JPH3: variants seen among roughly 807,000 people sequenced by gnomAD.
JPH3 encodes the protein junctophilin-3.
Under a neutral mutation model 59.6 loss-of-function variants are expected in JPH3, and 11 were observed. The observed-to-expected ratio is 0.18, with a 90% CI of 0.12 to 0.31. JPH3 has a LOEUF of 0.31. JPH3 is among the 10% of genes least tolerant of loss of function. JPH3 has a pLI of 1.00. For synonymous variants in JPH3, 673 were observed against 483.6 expected, an observed-to-expected ratio of 1.39 and a Z score of -5.14; for missense variants, 1,202 against 1,105.7, an observed-to-expected ratio of 1.09 and a Z score of -1.24.
chr16:87,670,442 A>G (rs868640707), intron 2 of JPH3, among the ~76,000 whole-genome samples: 2 of 152,160 alleles, frequency 1.3e-5, no homozygotes, highest in African/African-American at 4.8e-5. Flanking sequence ...TATTCTATCA[A>G]TGGCACTGCA....
intron 4 of JPH3, among the ~76,000 whole-genome samples, chr16:87,691,329 G>A (rs532611573): frequency 1.2e-3 from 188 of 152,286 alleles, no homozygotes; most frequent in African/African-American, 4.4e-3. Context: ...GCTGTGGGAC[G>A]GTGGCTACAT....
chr16:87,691,955 C>G (rs1158466574), intron 4 of JPH3, among the ~76,000 whole-genome samples: 1 of 152,054 alleles, frequency 6.6e-6, no homozygotes, highest in Non-Finnish European at 1.5e-5. Flanking sequence ...CTTTTGGGTG[C>G]TTTTAAATGA....
At chr16:87,633,635 G>GT (rs2031636807) in intron 1 of JPH3, among the ~76,000 whole-genome samples, 1 of 151,990 alleles carries the variant, frequency 6.6e-6, no homozygotes, top group East Asian at 1.9e-4. Flanking sequence ...CCTGTCTCTA[G>GT]TAAAAATACA....
chr16:87,696,156 G>A (rs2033839660), intron 4 of JPH3: 2 of 458,258 alleles, frequency 4.4e-6, no homozygotes, highest in Non-Finnish European at 8.7e-6. Context: ...CACTGGCCAT[G>A]GCAGCCATGC....
At chr16:87,695,545 A>G (rs2033796019) in intron 4 of JPH3, 1 of 453,832 alleles carries the variant, frequency 2.2e-6, no homozygotes, top group Non-Finnish European at 4.4e-6. Flanking sequence ...GGGTGGGGAG[A>G]GGCAGGGGCA....
chr16:87,680,384 A>C (rs2033258396), intron 2 of JPH3, among the ~76,000 whole-genome samples: 1 of 152,256 alleles, frequency 6.6e-6, no homozygotes, highest in South Asian at 2.1e-4. Flanking sequence ...TGGACCCAGA[A>C]GGAAGCGGAG....
intron 2 of JPH3, among the ~76,000 whole-genome samples, chr16:87,657,919 C>T (rs572443961): frequency 6.6e-6 from 1 of 152,322 alleles, no homozygotes; most frequent in Admixed American, 6.5e-5. Flanking sequence ...AGAGGAGGAG[C>T]TGGTGGCTGC....
At chr16:87,673,399 T>C (rs2033067362) in intron 2 of JPH3, among the ~76,000 whole-genome samples, 1 of 151,844 alleles carries the variant, frequency 6.6e-6, no homozygotes, top group Non-Finnish European at 1.5e-5. Context: ...GGTGTAAATG[T>C]CCTCCCTGGA....
chr16:87,651,909 C>G (rs952820937), intron 2 of JPH3, among the ~76,000 whole-genome samples: 1 of 152,160 alleles, frequency 6.6e-6, no homozygotes. Context: ...CAAATAGCAT[C>G]ACATGCTACA....
intron 1 of JPH3, among the ~76,000 whole-genome samples, chr16:87,612,191 G>A (rs550493235): frequency 6.8e-4 from 104 of 152,222 alleles, no homozygotes; most frequent in Non-Finnish European, 1.2e-3. Flanking sequence ...GTGTGTGATC[G>A]TGGCTCACTG....
chr16:87,685,559 T>A (rs2150875806), intron 3 of JPH3, among the ~76,000 whole-genome samples: 1 of 152,302 alleles, frequency 6.6e-6, no homozygotes, highest in Non-Finnish European at 1.5e-5. Context: ...TGCACGTGCA[T>A]GTGGGGAGTG....
At chr16:87,696,246 A>C in intron 4 of JPH3, 1 of 449,306 alleles carries the variant, frequency 2.2e-6, no homozygotes, top group South Asian at 1.9e-5. Flanking sequence ...ACACGCACCG[A>C]GACGTTTGCT....
chr16:87,689,899 G>A lies in JPH3; in HGVS notation c.1539G>A (p.Gly513=). The change falls in exon 4 of 5, where the codon GGG becomes GGA. Residue 513 remains glycine (G), a synonymous_variant. Transcript: ENST00000284262. ...TGTCGGTGGACGAGGAGCGGGGCGG[G>A]GACATCCAGATGCTCCTGGAGGGCC... ...RQVSVDEERG[G]DIQMLLEGRA... 2.0e-6 allele frequency: 3 copies of A among 1,469,742 alleles called. No homozygotes were observed. Among genetic ancestry groups the A allele is most frequent in the Non-Finnish European group, 2.7e-6 (3 of 1,111,744 alleles). 91.0% of individuals were successfully genotyped at this position (1,469,742 alleles called of 1,614,324 possible).
intron 2 of JPH3, among the ~76,000 whole-genome samples, chr16:87,656,325 C>G (rs1260452343): frequency 6.6e-6 from 1 of 152,222 alleles, no homozygotes; most frequent in Non-Finnish European, 1.5e-5. Flanking sequence ...GCACACCTTC[C>G]TGAGACGGGG....
At chr16:87,628,532 G>A (rs1250293282) in intron 1 of JPH3, among the ~76,000 whole-genome samples, 1 of 152,226 alleles carries the variant, frequency 6.6e-6, no homozygotes, top group African/African-American at 2.4e-5. Context: ...CAGAGTGTGG[G>A]TTTTGGAAGC....
At chr16:87,695,920 G>A (rs761388350) in intron 4 of JPH3, 5 of 455,958 alleles carry the variant, frequency 1.1e-5, no homozygotes, top group South Asian at 3.1e-5. Context: ...GGGCTCCGGC[G>A]GAGGCTGAGG....
In JPH3 at chr16:87,680,675, C is replaced by A. The variant is rs536966604; in HGVS notation, c.1161-3467C>A. Among the ~76,000 whole-genome samples the A allele has an allele frequency of 1.4e-4, 22 of 152,190 alleles. No individual in the cohort carries two copies. The East Asian group carries it at 4.1e-3, about 28-fold the overall frequency. On this transcript the variant is annotated intron_variant, in intron 2 of 4. Coordinates refer to ENST00000284262, the MANE Select transcript of JPH3 (RefSeq NM_020655.4). Reference sequence around the variant, plus strand: ...TGGCCTGACCCTCCACAGGTGGGAGCCATAGGCGTCAGGAGCCATTACCCC... The same window carrying A: ...TGGCCTGACCCTCCACAGGTGGGAGACATAGGCGTCAGGAGCCATTACCCC...
At chr16:87,678,790 C>T (rs117273070) in intron 2 of JPH3, among the ~76,000 whole-genome samples, 8,196 of 152,246 alleles carry the variant, frequency 0.054, 329 homozygotes, top group South Asian at 0.15. Context: ...AGACACGTGC[C>T]GGAGAAGGCC....
In JPH3 at chr16:87,669,489, G is replaced by A. The variant is rs146363323; in HGVS notation, c.1161-14653G>A. ...ACTTGTCTGTCACCTTGGACACGTT[G>A]CCTGGCAGCCTCTGAGCCTCAGTGT... On this transcript the variant is annotated intron_variant, in intron 2 of 4. Coordinates refer to ENST00000284262, the MANE Select transcript of JPH3 (RefSeq NM_020655.4). 3.7e-3 allele frequency among the ~76,000 whole-genome samples: 563 copies of A among 152,370 alleles called. 2 individuals carry two copies. Among genetic ancestry groups the A allele is most frequent in the Middle Eastern group, 0.014 (4 of 294 alleles).
Sources: allele counts gnomAD v4.1 joint callset (sites outside exome capture counted in the v4.1 genomes callset), GRCh38; gene constraint gnomAD v4.1.1; transcripts MANE v1.5; gene names NCBI Gene and HGNC (gene_info 2026-07-23, HGNC 2026-07-21).